Variants in ELOVL2 observed in about 807,000 individuals in gnomAD.
ELOVL2 encodes very long chain fatty acid elongase 2.
A neutral mutation model predicts 37.7 loss-of-function variants in ELOVL2; 38 were observed. The ratio of observed to expected loss-of-function variants is 1.01; its 90% CI spans 0.78 to 1.32. The LOEUF is 1.32. ELOVL2 is among the 40% of genes most tolerant of loss of function. The probability of loss-of-function intolerance (pLI) is 0.00; values close to 1 mark genes in which losing one functional copy is unlikely to be tolerated. For synonymous variants in ELOVL2, 115 were observed against 122.3 expected (o/e 0.94, Z 0.40); for missense variants, 352 against 363.6 (o/e 0.97, Z 0.26).
At chr6:10,992,961 G>T (rs902290293) in intron 5 of ELOVL2, among the ~76,000 whole-genome samples, 1 of 152,230 alleles carries the variant, frequency 6.6e-6, no homozygotes, top group East Asian at 1.9e-4. Context: ...AGGAAGCTGA[G>T]GGGGGAGGAT....
chr6:11,001,092 G>A (rs1023511536), intron 3 of ELOVL2, among the ~76,000 whole-genome samples: 2 of 152,164 alleles, frequency 1.3e-5, no homozygotes, highest in African/African-American at 4.8e-5. Context: ...CCTTAGAGAT[G>A]TATAAAATTC....
At chr6:11,038,353 C>T (rs1185021992) in intron 1 of ELOVL2, among the ~76,000 whole-genome samples, 3 of 152,006 alleles carry the variant, frequency 2.0e-5, no homozygotes, top group Admixed American at 6.6e-5. Flanking sequence ...GCATGGTGTG[C>T]GCCTGTAGTC....
At chr6:10,986,747 T>C (rs1324668867) in intron 7 of ELOVL2, among the ~76,000 whole-genome samples, 1 of 152,208 alleles carries the variant, frequency 6.6e-6, no homozygotes, top group African/African-American at 2.4e-5. Flanking sequence ...TGGATTCGGT[T>C]TGCCAGTATT....
intron 1 of ELOVL2, among the ~76,000 whole-genome samples, chr6:11,027,813 C>G (rs1219707581): frequency 6.6e-6 from 1 of 152,172 alleles, no homozygotes; most frequent in African/African-American, 2.4e-5. Flanking sequence ...CAAGCACTAA[C>G]TGAACATCTA....
chr6:10,995,954 C>T (rs1238150914), intron 4 of ELOVL2, among the ~76,000 whole-genome samples: 1 of 152,158 alleles, frequency 6.6e-6, no homozygotes, highest in South Asian at 2.1e-4. Flanking sequence ...ATGGCTACAT[C>T]TTTTGTGTCT....
At chr6:11,005,313 T>C in intron 3 of ELOVL2, 59 bp downstream of exon 3, 2 of 1,482,806 alleles carry the variant, frequency 1.3e-6, no homozygotes, top group Non-Finnish European at 1.8e-6. Flanking sequence ...GATGTGGTTG[T>C]TTCTGTTAAT....
chr6:10,998,375 T>G (rs938015752), intron 4 of ELOVL2, among the ~76,000 whole-genome samples: 2 of 152,228 alleles, frequency 1.3e-5, no homozygotes, highest in Non-Finnish European at 2.9e-5. Context: ...AGAAGAACTT[T>G]CCCTTTTCAT....
intron 3 of ELOVL2, among the ~76,000 whole-genome samples, chr6:11,002,577 T>C (rs3798711): frequency 0.52 from 79,790 of 152,024 alleles, 21,808 homozygotes; most frequent in East Asian, 0.91. Context: ...TTTACACCTA[T>C]ACAAAGTTTA....
intron 1 of ELOVL2, among the ~76,000 whole-genome samples, chr6:11,030,433 T>C (rs375018240): frequency 2.0e-5 from 3 of 152,172 alleles, no homozygotes; most frequent in African/African-American, 2.4e-5. Context: ...AATAATAAAA[T>C]AGACATATCA....
intron 1 of ELOVL2, among the ~76,000 whole-genome samples, chr6:11,033,422 C>G (rs1411841024): frequency 6.6e-6 from 1 of 152,080 alleles, no homozygotes; most frequent in Non-Finnish European, 1.5e-5. Flanking sequence ...GATATATTTT[C>G]TTAAGGGTAA....
intron 5 of ELOVL2, 28 bp from the exon 6 acceptor site, chr6:10,990,470 A>G (rs995057592): frequency 4.5e-6 from 7 of 1,551,020 alleles, no homozygotes; most frequent in African/African-American, 1.4e-5. Flanking sequence ...AAAAATCACT[A>G]TTCTTCCAGG....
intron 1 of ELOVL2, among the ~76,000 whole-genome samples, chr6:11,020,587 C>T (rs1192623967): frequency 6.6e-6 from 1 of 152,176 alleles, no homozygotes; most frequent in Non-Finnish European, 1.5e-5. Context: ...TTACTCCATT[C>T]TGCTTTATCT....
chr6:11,044,188 A>T lies in ELOVL2; in HGVS notation c.3+40T>A. ...GGTGCGTGGGTCCAGGAGAGAAAGA[A>T]AGCGCGGCGGTGTCGGTGGCGGCGC... is the stretch of plus-strand genomic sequence containing the variant. On this transcript the variant is annotated intron_variant, in intron 1 of 7. Transcript: ENST00000354666. The surrounding 1 kb of genome is among the most constrained non-coding windows in gnomAD (Gnocchi z 5.6). 1 of 1,450,216 alleles carries T rather than the reference A, an allele frequency of 6.9e-7. No individual in the cohort carries two copies. Among genetic ancestry groups the T allele is most frequent in the Admixed American group, 2.6e-5 (1 of 38,956 alleles). 89.8% of individuals were successfully genotyped at this position (1,450,216 alleles called of 1,614,324 possible).
intron 3 of ELOVL2, among the ~76,000 whole-genome samples, chr6:11,002,631 A>G (rs890785738): frequency 6.6e-6 from 1 of 152,206 alleles, no homozygotes; most frequent in Non-Finnish European, 1.5e-5. Flanking sequence ...GTGGTAGGCA[A>G]TGGGCTCAGT....
In ELOVL2 at chr6:10,990,320, G is replaced by C. The variant is rs200429161; in HGVS notation, c.628C>G (p.Leu210Val). 1.2e-6 allele frequency: 2 copies of C among 1,611,392 alleles called. No individual in the cohort carries two copies. The highest frequency in any genetic ancestry group is 1.3e-5 in the African/African-American group (1 of 74,896). The change falls in exon 6 of 8, where the codon CTG becomes GTG. Residue 210 changes from leucine to valine, a missense_variant and splice_region_variant. Transcript: ENST00000354666. ...WWKKYLTQAQ[L>V]VQFVLTITHT... ...AGCTAAAAGAAGGGACAACATACCAGCTGAGCCTGTGTGAGATATTTCTTC... is the reference window on the plus strand; with the variant it reads ...AGCTAAAAGAAGGGACAACATACCACCTGAGCCTGTGTGAGATATTTCTTC...
chr6:11,014,254 C>T (rs1052659267), intron 1 of ELOVL2, among the ~76,000 whole-genome samples: 1 of 152,086 alleles, frequency 6.6e-6, no homozygotes, highest in Admixed American at 6.5e-5. Context: ...CCCAGGTATC[C>T]ATCCAAGAGA....
At chr6:11,001,360 A>G (rs1422251377) in intron 3 of ELOVL2, among the ~76,000 whole-genome samples, 1 of 152,226 alleles carries the variant, frequency 6.6e-6, no homozygotes, top group Non-Finnish European at 1.5e-5. Context: ...GATCTACTAC[A>G]AATCAGGTCA....
chr6:11,004,348 C>T (rs1422655710), intron 3 of ELOVL2, among the ~76,000 whole-genome samples: 1 of 151,236 alleles, frequency 6.6e-6, no homozygotes, highest in Non-Finnish European at 1.5e-5. Context: ...CCGCTTATAG[C>T]TTGTATGAAT....
At chr6:10,994,345 G>A (rs1162237395) in intron 5 of ELOVL2, among the ~76,000 whole-genome samples, 1 of 151,500 alleles carries the variant, frequency 6.6e-6, no homozygotes, top group East Asian at 2.0e-4. Context: ...GTGGGCGCCT[G>A]TAATCCCAGC....
Sources: allele counts gnomAD v4.1 joint callset (sites outside exome capture counted in the v4.1 genomes callset), GRCh38; gene constraint gnomAD v4.1.1; non-coding constraint Gnocchi (gnomAD v3.1); transcripts MANE v1.5; gene names NCBI Gene and HGNC (gene_info 2026-07-23, HGNC 2026-07-21).